HDAC1: variants seen among roughly 807,000 people sequenced by gnomAD.
HDAC1 encodes the protein protein deacetylase HDAC1.
Under a neutral mutation model 65.5 loss-of-function variants are expected in HDAC1, and 18 were observed. The ratio of observed to expected loss-of-function variants is 0.27; its 90% CI spans 0.19 to 0.41. The LOEUF is 0.41. Ranked by LOEUF, HDAC1 falls within the 10% of genes least tolerant of loss-of-function variation. HDAC1 has a pLI of 1.00. For missense variants in HDAC1, 373 were observed against 625.2 expected (o/e 0.60, Z 4.30); for synonymous variants, 211 against 227.9 (o/e 0.93, Z 0.67).
At position 32,331,440 on chromosome 1, in the gene HDAC1, GTC is replaced by G; in HGVS notation, c.980-30_980-29del. ...CAAATGGTTAGGGTGCGGTGGCCAG[GTC>G]TCTTGACGGTCTTCTCTCCTGCCCC... On this transcript the variant is annotated intron_variant, in intron 9 of 13. Coordinates refer to ENST00000373548, the MANE Select transcript of HDAC1 (RefSeq NM_004964.3). This position sits in a 1 kb window ranked among gnomAD's most constrained non-coding sequence, Gnocchi z 4.2. 7.9e-7 allele frequency: 1 copy of G among 1,270,444 alleles called. No homozygotes were observed. Among genetic ancestry groups the G allele is most frequent in the Non-Finnish European group, 1.2e-6 (1 of 866,584 alleles). 78.7% of individuals were successfully genotyped at this position (1,270,444 alleles called of 1,614,324 possible). A position where few individuals can be genotyped will look rare whatever the true frequency, so the allele number is the denominator to read the frequency against.
rs953126509 is a variant in HDAC1, at chr1:32,292,086, C to T, written c.-84C>T. 13 of 1,352,198 alleles carry T rather than the reference C, an allele frequency of 9.6e-6. No individual in the cohort carries two copies. Among genetic ancestry groups the T allele is most frequent in the South Asian group, 1.3e-5 (1 of 79,540 alleles). 83.8% of individuals were successfully genotyped at this position (1,352,198 alleles called of 1,614,324 possible). A position where few individuals can be genotyped will look rare whatever the true frequency, so the allele number is the denominator to read the frequency against. On this transcript the variant is annotated 5_prime_UTR_variant, in exon 1 of 14. Transcript: ENST00000373548. The stretch of plus-strand genomic sequence containing the variant: ...GCGGGGCGGGCCGGAGGCCCGCCCC[C>T]TCCCCCCTGGGTCGGACGCTGAGCG...
rs751362760 is a variant in HDAC1 at position 32,330,647 on chromosome 1, T to C, written c.799T>C (p.Ser267Pro). Residue 267 changes from serine to proline, a missense_variant, in exon 8 of 14, where the codon TCT (serine) becomes CCT (proline). Ser to Pro is a moderately conservative substitution (Grantham distance 74). Coordinates refer to ENST00000373548, the MANE Select transcript of HDAC1 (RefSeq NM_004964.3). The surrounding 1 kb of genome is among the most constrained non-coding windows in gnomAD (Gnocchi z 4.2). ...VVLQCGSDSL[S>P]GDRLGCFNLT... ...CTTACAGTGTGGCTCAGACTCCCTA[T>C]CTGGGGATCGGTTAGGTTGCTTCAA... 1 of 1,614,008 alleles carries C rather than the reference T, an allele frequency of 6.2e-7. No homozygotes were observed. The highest frequency in any genetic ancestry group is 1.1e-5 in the South Asian group (1 of 91,068).
chr1:32,315,285 T>G (rs1443760836), intron 2 of HDAC1, among the ~76,000 whole-genome samples: 1 of 152,152 alleles, frequency 6.6e-6, no homozygotes, highest in Non-Finnish European at 1.5e-5. Context: ...TTAGATACCC[T>G]TTTTTCGTGA....
intron 2 of HDAC1, among the ~76,000 whole-genome samples, chr1:32,314,822 T>G (rs1641037319): frequency 7.2e-6 from 1 of 139,604 alleles, no homozygotes; most frequent in Admixed American, 7.2e-5. Context: ...CGAGACTCCG[T>G]CTCAAAAAAA....
chr1:32,319,588 A>G lies in HDAC1; in HGVS notation c.280+2806A>G, dbSNP rs1641112204. On this transcript the variant is annotated intron_variant, in intron 3 of 13. Coordinates refer to ENST00000373548, the MANE Select transcript of HDAC1 (RefSeq NM_004964.3). ...TCCTTAATCCTTAACTTGCCCTTTT[A>G]GAATATGTACCAATATCTAACCTAG... 2.0e-5 allele frequency among the ~76,000 whole-genome samples: 3 copies of G among 152,126 alleles called. No individual in the cohort carries two copies. In the South Asian group the frequency reaches 6.2e-4, roughly 32 times the overall value.
chr1:32,313,975 C>A (rs1391988849), intron 2 of HDAC1, among the ~76,000 whole-genome samples: 1 of 152,100 alleles, frequency 6.6e-6, no homozygotes, highest in Non-Finnish European at 1.5e-5. Flanking sequence ...AGTAAAAATT[C>A]ATAAAGTAGA....
In HDAC1 at chr1:32,333,132, AT is replaced by A; in HGVS notation, c.*91del. 9.5e-7 allele frequency: 1 copy of A among 1,050,224 alleles called. No individual in the cohort carries two copies. Among genetic ancestry groups the A allele is most frequent in the Non-Finnish European group, 1.4e-6 (1 of 723,504 alleles). 65.1% of individuals were successfully genotyped at this position (1,050,224 alleles called of 1,614,324 possible). Reference sequence around the variant, plus strand: ...TTTTATATTTTCTATTTCTCTGTGTATTTATATAAAAATTTATTAAATATAA... The same window carrying A: ...TTTTATATTTTCTATTTCTCTGTGTATTATATAAAAATTTATTAAATATAA... On this transcript the variant is annotated 3_prime_UTR_variant, in exon 14 of 14. Transcript: ENST00000373548.
intron 4 of HDAC1, 86 bp from the exon 5 acceptor site, chr1:32,326,853 T>C (rs1641226386): frequency 6.7e-7 from 1 of 1,482,700 alleles, no homozygotes; most frequent in South Asian, 1.2e-5. Flanking sequence ...AGGCAGGTCT[T>C]AACCTTTCAC....
At chr1:32,321,056 C>T (rs1026894854) in intron 3 of HDAC1, among the ~76,000 whole-genome samples, 2 of 151,060 alleles carry the variant, frequency 1.3e-5, no homozygotes, top group Non-Finnish European at 3.0e-5. Flanking sequence ...ACAGTGAAAC[C>T]CCATCTCTAC....
chr1:32,303,936 A>G (rs367990048), intron 2 of HDAC1, among the ~76,000 whole-genome samples: 24 of 152,336 alleles, frequency 1.6e-4, no homozygotes, highest in East Asian at 5.8e-4. Context: ...ACACATTAGT[A>G]CATCTGTAGA....
chr1:32,303,163 A>ACT (rs1640871520), intron 2 of HDAC1, among the ~76,000 whole-genome samples: 1 of 151,678 alleles, frequency 6.6e-6, no homozygotes, highest in Admixed American at 6.6e-5. Context: ...GCAGAGCAAG[A>ACT]CTCTGTCTTA....
intron 1 of HDAC1, among the ~76,000 whole-genome samples, chr1:32,301,378 G>A (rs564297502): frequency 3.9e-5 from 6 of 152,152 alleles, no homozygotes; most frequent in African/African-American, 4.8e-5. Context: ...CCCTGGAGGC[G>A]GAGCTTGCAG....
rs954792040 is a variant in HDAC1, at chr1:32,331,464, C to T, written c.980-10C>T. 2 of 1,531,570 alleles carry T rather than the reference C, an allele frequency of 1.3e-6. No individual in the cohort carries two copies. Among genetic ancestry groups the T allele is most frequent in the South Asian group, 1.1e-5 (1 of 89,432 alleles). 94.9% of individuals were successfully genotyped at this position (1,531,570 alleles called of 1,614,324 possible). ...GGTCTCTTGACGGTCTTCTCTCCTG[C>T]CCCAATCAGAGCTTCCATACAATGA... is the stretch of plus-strand genomic sequence containing the variant. On this transcript the variant is annotated splice_polypyrimidine_tract_variant and intron_variant, in intron 9 of 13. Coordinates refer to ENST00000373548, the MANE Select transcript of HDAC1 (RefSeq NM_004964.3). The surrounding 1 kb of genome is among the most constrained non-coding windows in gnomAD (Gnocchi z 4.2).
chr1:32,315,783 T>C (rs143815493), intron 2 of HDAC1, among the ~76,000 whole-genome samples: 1,435 of 138,550 alleles, frequency 0.01, 4 homozygotes, highest in Middle Eastern at 0.052. Context: ...CTGACCAACA[T>C]GGTAAAACCC....
In HDAC1 at chr1:32,333,622, C is replaced by T. The variant is rs1641331243; in HGVS notation, c.*578C>T. The T allele has an allele frequency of 1.3e-5, 2 of 152,658 alleles. No individual in the cohort carries two copies. Among genetic ancestry groups the T allele is most frequent in the Admixed American group, 1.3e-4 (2 of 15,294 alleles). 9.5% of individuals were successfully genotyped at this position (152,658 alleles called of 1,614,324 possible). ...CTCTTTGTAATAAAATGGTACATTT[C>T]TATATCCTCCTGAGCTTGTTTCCTA... On this transcript the variant is annotated 3_prime_UTR_variant, in exon 14 of 14. Transcript: ENST00000373548.
chr1:32,292,341 G>A (rs1191820837), intron 1 of HDAC1, 123 bp downstream of exon 1: 93 of 1,512,010 alleles, frequency 6.2e-5, no homozygotes, highest in Non-Finnish European at 8.0e-5. Flanking sequence ...GGCTCGGAGA[G>A]GAGGCTGCGA....
At chr1:32,323,490 C>T (rs1426542423) in intron 3 of HDAC1, among the ~76,000 whole-genome samples, 1 of 152,040 alleles carries the variant, frequency 6.6e-6, no homozygotes, top group Non-Finnish European at 1.5e-5. Context: ...CTCTGCCTCC[C>T]GGGTTCAAGT....
intron 2 of HDAC1, among the ~76,000 whole-genome samples, chr1:32,310,024 A>G (rs985168427): frequency 1.3e-5 from 2 of 152,186 alleles, no homozygotes; most frequent in Non-Finnish European, 2.9e-5. Context: ...TCTCTCAAAC[A>G]TGTTTTATTT....
At chr1:32,319,513 A>T (rs769936656) in intron 3 of HDAC1, among the ~76,000 whole-genome samples, 2 of 152,264 alleles carry the variant, frequency 1.3e-5, no homozygotes, top group Non-Finnish European at 2.9e-5. Context: ...TTGCTTTGTC[A>T]TCCAGGGTAC....
Sources: gnomAD v4.1 joint callset for allele counts (sites outside exome capture counted in the v4.1 genomes callset) on GRCh38, gnomAD v4.1.1 for gene constraint, Gnocchi (gnomAD v3.1) non-coding constraint, MANE v1.5 for transcripts, NCBI Gene and HGNC (gene_info 2026-07-23, HGNC 2026-07-21) for gene names.